The following SAMMSON variants were observed in gnomAD, a reference collection of about 807,000 sequenced individuals.
SAMMSON encodes the protein long intergenic non-protein coding RNA 1212.
At chr3:70,084,502 TG>T (rs1339868238) in intron 4 of SAMMSON, among the ~76,000 whole-genome samples, 1 of 152,162 alleles carries the variant, frequency 6.6e-6, no homozygotes, top group Non-Finnish European at 1.5e-5. Flanking sequence ...GAGGATATAC[TG>T]GGGTTGGAGA....
intron 4 of SAMMSON, among the ~76,000 whole-genome samples, chr3:70,085,218 C>T (rs2067281016): frequency 1.3e-5 from 2 of 152,270 alleles, no homozygotes; most frequent in African/African-American, 4.8e-5. Flanking sequence ...GCTTCCCAAT[C>T]CTGAAAAAAA....
At chr3:70,045,113 A>T (rs1254250284) in intron 3 of SAMMSON, among the ~76,000 whole-genome samples, 3 of 87,234 alleles carry the variant, frequency 3.4e-5, no homozygotes, top group South Asian at 2.5e-4. Flanking sequence ...ATTATAATTT[A>T]TATATATTAA....
chr3:70,000,746 T>C (rs1415318071), intron 1 of SAMMSON, among the ~76,000 whole-genome samples: 1 of 152,228 alleles, frequency 6.6e-6, no homozygotes, highest in Non-Finnish European at 1.5e-5. Context: ...TACAGTCATC[T>C]CAGCCCACAA....
rs906873789 is a variant in SAMMSON, at chr3:70,260,345, C to A, written n.674+10675C>A. 2.0e-5 allele frequency among the ~76,000 whole-genome samples: 3 copies of A among 152,202 alleles called. No individual in the cohort carries two copies. The East Asian group carries it at 5.8e-4, about 29-fold the overall frequency. On this transcript the variant is annotated intron_variant and non_coding_transcript_variant, in intron 6 of 9. Transcript: ENST00000642114. ...TGCCAGTCATATTGGATTTAGGGGC[C>A]CACTCTACTCCGGTACGACTTTATC... is the stretch of plus-strand genomic sequence containing the variant.
At chr3:70,158,800 A>G (rs1423908955) in intron 4 of SAMMSON, among the ~76,000 whole-genome samples, 1 of 152,072 alleles carries the variant, frequency 6.6e-6, no homozygotes, top group Non-Finnish European at 1.5e-5. Flanking sequence ...GTAGATTAAT[A>G]CTTTAGGAAA....
At chr3:70,356,618 A>C (rs1043083794) in intron 8 of SAMMSON, among the ~76,000 whole-genome samples, 24 of 152,144 alleles carry the variant, frequency 1.6e-4, no homozygotes, top group African/African-American at 5.3e-4. Flanking sequence ...CTTTTAAAAT[A>C]CTTGTCCTTT....
intron 9 of SAMMSON, among the ~76,000 whole-genome samples, chr3:70,377,672 C>G (rs1258005662): frequency 1.3e-5 from 2 of 151,838 alleles, no homozygotes; most frequent in Admixed American, 6.6e-5. Flanking sequence ...GTGAAGTATA[C>G]CAAAAACGAA....
At chr3:70,222,265 G>C (rs910839019) in intron 4 of SAMMSON, among the ~76,000 whole-genome samples, 11 of 152,170 alleles carry the variant, frequency 7.2e-5, no homozygotes, top group Admixed American at 1.3e-4. Flanking sequence ...GGCAACTGGA[G>C]ATGAAGACTC....
chr3:70,352,733 T>C (rs986937993), intron 7 of SAMMSON, among the ~76,000 whole-genome samples: 1 of 152,074 alleles, frequency 6.6e-6, no homozygotes, highest in Admixed American at 6.6e-5. Context: ...TAAACACAAT[T>C]TTGTAGAAAT....
intron 4 of SAMMSON, among the ~76,000 whole-genome samples, chr3:70,225,064 T>G (rs765810125): frequency 2.0e-5 from 3 of 152,202 alleles, no homozygotes; most frequent in Non-Finnish European, 4.4e-5. Flanking sequence ...CTAATATATC[T>G]TGGGTGTTGG....
At chr3:70,016,644 G>T (rs2066987165) in intron 3 of SAMMSON, among the ~76,000 whole-genome samples, 1 of 152,132 alleles carries the variant, frequency 6.6e-6, no homozygotes, top group Non-Finnish European at 1.5e-5. Flanking sequence ...TGGTGTTTTA[G>T]ACATGAAGTC....
At chr3:70,169,286 C>T (rs1483541648) in intron 4 of SAMMSON, among the ~76,000 whole-genome samples, 1 of 152,006 alleles carries the variant, frequency 6.6e-6, no homozygotes, top group African/African-American at 2.4e-5. Context: ...GTATCAAATA[C>T]ACTATGAAGT....
chr3:70,369,647 AT>A (rs2106745092), intron 9 of SAMMSON, among the ~76,000 whole-genome samples: 2 of 151,698 alleles, frequency 1.3e-5, no homozygotes, highest in Admixed American at 1.3e-4. Flanking sequence ...GTAATTAAGT[AT>A]TGTGTTAGCT....
intron 4 of SAMMSON, among the ~76,000 whole-genome samples, chr3:70,093,675 A>G (rs981387723): frequency 2.0e-5 from 3 of 152,124 alleles, no homozygotes; most frequent in Non-Finnish European, 4.4e-5. Flanking sequence ...TAGCTATGCA[A>G]AGAAGGAGTC....
chr3:70,012,864 A>G (rs541551094), intron 2 of SAMMSON, among the ~76,000 whole-genome samples: 3 of 152,116 alleles, frequency 2.0e-5, no homozygotes, highest in Admixed American at 2.0e-4. Flanking sequence ...GTACATAGAT[A>G]GGATGGTATA....
chr3:70,117,948 C>G (rs1470386020), intron 4 of SAMMSON, among the ~76,000 whole-genome samples: 1 of 152,028 alleles, frequency 6.6e-6, no homozygotes, highest in Admixed American at 6.6e-5. Context: ...GACGGAGTCT[C>G]GCTCTGTTGC....
intron 3 of SAMMSON, among the ~76,000 whole-genome samples, chr3:70,053,560 C>T (rs1256272717): frequency 6.6e-6 from 1 of 152,128 alleles, no homozygotes; most frequent in Non-Finnish European, 1.5e-5. Context: ...TTTCAACACA[C>T]AAGGAGACTG....
intron 4 of SAMMSON, among the ~76,000 whole-genome samples, chr3:70,076,474 C>T (rs1319056865): frequency 6.6e-6 from 1 of 152,098 alleles, no homozygotes; most frequent in East Asian, 1.9e-4. Flanking sequence ...TAACTGGGTG[C>T]CTCAATGGGC....
intron 4 of SAMMSON, among the ~76,000 whole-genome samples, chr3:70,174,541 T>C (rs1700995412): frequency 1.3e-5 from 2 of 151,994 alleles, no homozygotes; most frequent in African/African-American, 4.8e-5. Context: ...TAGCCCTAGA[T>C]TTAGGTAAAT....
Sources: gnomAD v4.1 joint callset for allele counts (sites outside exome capture counted in the v4.1 genomes callset) on GRCh38, gnomAD v4.1.1 for gene constraint, MANE v1.5 for transcripts, NCBI Gene and HGNC (gene_info 2026-07-23, HGNC 2026-07-21) for gene names.